Variants in SH3BGRL2 observed in about 807,000 individuals in gnomAD.
The protein encoded by SH3BGRL2 is SH3 domain binding glutamate rich protein like 2.
In SH3BGRL2, 21 loss-of-function variants were observed where a neutral mutation model predicts 14.8. The ratio of observed to expected loss-of-function variants is 1.42; its 90% confidence interval spans 1.01 to 2.05. The LOEUF (loss-of-function observed/expected upper bound fraction) is 2.05. Ranked by LOEUF, SH3BGRL2 falls within the 30% of genes most tolerant of loss-of-function variation. The pLI, the probability that SH3BGRL2 is intolerant of heterozygous loss-of-function variation, is 0.00. For missense variants in SH3BGRL2, 147 were observed against 130.8 expected (o/e 1.12, Z -0.61); for synonymous variants, 50 against 47.8 (o/e 1.05, Z -0.19).
chr6:79,598,195 A>T, the SH3BGRL2 span, among the ~76,000 whole-genome samples: 22 of 152,328 alleles, frequency 1.4e-4, no homozygotes, highest in African/African-American at 5.1e-4. Flanking sequence ...GTTCCTCAAG[A>T]GGTTAAACAT....
intron 2 of SH3BGRL2, among the ~76,000 whole-genome samples, chr6:79,686,294 G>A (rs536926237): frequency 2.0e-5 from 3 of 152,146 alleles, no homozygotes; most frequent in African/African-American, 7.2e-5. Flanking sequence ...TTGAGAGCAA[G>A]TTCTGTTATT....
the SH3BGRL2 span, among the ~76,000 whole-genome samples, chr6:79,625,608 C>T: frequency 6.6e-6 from 1 of 152,164 alleles, no homozygotes; most frequent in African/African-American, 2.4e-5. Context: ...GTTAAAATCA[C>T]ACACATGAAA....
the SH3BGRL2 span, among the ~76,000 whole-genome samples, chr6:79,539,151 T>G: frequency 6.6e-6 from 1 of 152,198 alleles, no homozygotes; most frequent in Non-Finnish European, 1.5e-5. Flanking sequence ...CAGTATCAGT[T>G]TGACCTTGAA....
At chr6:79,598,767 TATAAAAA>T in the SH3BGRL2 span, among the ~76,000 whole-genome samples, 3 of 152,076 alleles carry the variant, frequency 2.0e-5, no homozygotes, top group Admixed American at 6.6e-5. Flanking sequence ...TTAATGAAGT[TATAAAAA>T]ATAAAAAATA....
intron 1 of SH3BGRL2, among the ~76,000 whole-genome samples, chr6:79,634,081 A>T (rs1163185268): frequency 6.6e-6 from 1 of 152,224 alleles, no homozygotes; most frequent in East Asian, 1.9e-4. Context: ...CAAGGAAGGG[A>T]TGTGACCAGA....
the SH3BGRL2 span, among the ~76,000 whole-genome samples, chr6:79,617,191 A>T: frequency 4.5e-5 from 3 of 67,210 alleles, no homozygotes; most frequent in Non-Finnish European, 1.0e-4. Flanking sequence ...GTCTCAAAAC[A>T]AAAAAAAGAA....
chr6:79,697,647 GT>G (rs1770361017), intron 3 of SH3BGRL2, among the ~76,000 whole-genome samples: 1 of 152,144 alleles, frequency 6.6e-6, no homozygotes, highest in African/African-American at 2.4e-5. Context: ...CCATGCACAT[GT>G]TTTAAGCAGA....
chr6:79,573,146 G>A, the SH3BGRL2 span, among the ~76,000 whole-genome samples: 4 of 151,956 alleles, frequency 2.6e-5, no homozygotes, highest in African/African-American at 9.7e-5. Flanking sequence ...GTATATGTTG[G>A]TCTTTACTTG....
intron 1 of SH3BGRL2, among the ~76,000 whole-genome samples, chr6:79,634,934 G>C (rs2127722211): frequency 6.6e-6 from 1 of 152,284 alleles, no homozygotes; most frequent in Non-Finnish European, 1.5e-5. Flanking sequence ...GAGAGTTCTT[G>C]AGCCCATCCT....
chr6:79,638,604 A>G (rs1176742581), intron 1 of SH3BGRL2, among the ~76,000 whole-genome samples: 2 of 152,042 alleles, frequency 1.3e-5, no homozygotes, highest in African/African-American at 4.8e-5. Flanking sequence ...CATCCTCATC[A>G]GCATTTGTTA....
chr6:79,648,797 G>T (rs9448757), intron 1 of SH3BGRL2, among the ~76,000 whole-genome samples: 1 of 152,120 alleles, frequency 6.6e-6, no homozygotes, highest in Non-Finnish European at 1.5e-5. Context: ...AAAGAGGAAC[G>T]GGATTAGAGT....
chr6:79,651,353 G>A (rs1463114439), intron 1 of SH3BGRL2, among the ~76,000 whole-genome samples: 2 of 152,038 alleles, frequency 1.3e-5, no homozygotes, highest in Non-Finnish European at 2.9e-5. Flanking sequence ...ATCAAATAGT[G>A]GCACCGTAAA....
intron 2 of SH3BGRL2, among the ~76,000 whole-genome samples, chr6:79,690,953 C>G (rs889873059): frequency 6.6e-6 from 1 of 152,170 alleles, no homozygotes; most frequent in Non-Finnish European, 1.5e-5. Context: ...ACAATAATTT[C>G]TCTCATGAAC....
the SH3BGRL2 span, among the ~76,000 whole-genome samples, chr6:79,549,566 G>A: frequency 1.3e-5 from 2 of 152,130 alleles, no homozygotes; most frequent in Non-Finnish European, 2.9e-5. Flanking sequence ...ATTCAGTATA[G>A]TAACATGCTG....
At chr6:79,590,845 A>G in the SH3BGRL2 span, among the ~76,000 whole-genome samples, 2 of 152,206 alleles carry the variant, frequency 1.3e-5, no homozygotes, top group East Asian at 1.9e-4. Flanking sequence ...TTAATTAATT[A>G]AAGTAGTATT....
intron 1 of SH3BGRL2, among the ~76,000 whole-genome samples, chr6:79,643,185 G>A (rs1454089895): frequency 1.3e-5 from 2 of 152,086 alleles, no homozygotes; most frequent in Admixed American, 1.3e-4. Flanking sequence ...TGAGACACAG[G>A]GTAATTAAGT....
At chr6:79,546,136 A>G in the SH3BGRL2 span, among the ~76,000 whole-genome samples, 153 of 152,304 alleles carry the variant, frequency 1.0e-3, no homozygotes, top group African/African-American at 3.6e-3. Context: ...CCCTAACACC[A>G]AAATTATTGG....
the SH3BGRL2 span, among the ~76,000 whole-genome samples, chr6:79,613,449 A>C: frequency 1.3e-5 from 2 of 152,214 alleles, no homozygotes; most frequent in African/African-American, 4.8e-5. Flanking sequence ...TTCTGGGTAC[A>C]TTTTAGGGAA....
At chr6:79,660,425 A>C (rs1480281782) in intron 1 of SH3BGRL2, among the ~76,000 whole-genome samples, 1 of 150,902 alleles carries the variant, frequency 6.6e-6, no homozygotes, top group Non-Finnish European at 1.5e-5. Flanking sequence ...GGTTCTGTTC[A>C]TGTGATGGAT....
Sources: allele counts gnomAD v4.1 joint callset (sites outside exome capture counted in the v4.1 genomes callset), GRCh38; gene constraint gnomAD v4.1.1; transcripts MANE v1.5; gene names NCBI Gene and HGNC (gene_info 2026-07-23, HGNC 2026-07-21).